VPS41: variants seen among roughly 807,000 people sequenced by gnomAD.
VPS41 encodes VPS41 subunit of HOPS complex, also known as vacuolar protein sorting-associated protein 41 homolog.
In VPS41, 85 loss-of-function variants were observed where a neutral mutation model predicts 130.9. That is an observed-to-expected ratio of 0.65 (90% confidence interval 0.55 to 0.78). The LOEUF (loss-of-function observed/expected upper bound fraction) is 0.78, where lower values mean the gene tolerates loss of function less well. VPS41 is among the 30% of genes least tolerant of loss of function. The pLI is 0.00. For missense variants in VPS41, 874 were observed against 1,018.7 expected (o/e 0.86, Z 1.93); for synonymous variants, 335 against 332.9 (o/e 1.01, Z -0.07).
intron 7 of VPS41, among the ~76,000 whole-genome samples, chr7:38,797,594 C>T (rs1039538757): frequency 3.3e-5 from 5 of 152,128 alleles, no homozygotes; most frequent in Non-Finnish European, 7.4e-5. Flanking sequence ...TAAGAAAAGA[C>T]ATTTATACAG....
chr7:38,771,347 G>A, intron 13 of VPS41, 93 bp from the exon 14 acceptor site: 1 of 846,840 alleles, frequency 1.2e-6, no homozygotes. Flanking sequence ...AGATATTGAG[G>A]TTATAAACAC....
chr7:38,862,455 C>T (rs886990033), intron 4 of VPS41, 90 bp downstream of exon 4: 5 of 745,910 alleles, frequency 6.7e-6, no homozygotes, highest in Non-Finnish European at 1.1e-5. Flanking sequence ...CCTCTTTATG[C>T]TATTAAAACA....
intron 1 of VPS41, among the ~76,000 whole-genome samples, 193 bp downstream of exon 1, chr7:38,908,961 A>C (rs1412035920): frequency 6.6e-6 from 1 of 152,156 alleles, no homozygotes; most frequent in Non-Finnish European, 1.5e-5. Flanking sequence ...CGCTTTCCCT[A>C]GGTGCCCTCC....
intron 5 of VPS41, among the ~76,000 whole-genome samples, chr7:38,825,784 A>G (rs1032659330): frequency 2.0e-5 from 3 of 152,200 alleles, no homozygotes; most frequent in African/African-American, 7.2e-5. Context: ...ATGTTTTGTT[A>G]CCCGAAATAG....
chr7:38,866,123 G>T (rs1167743240), intron 3 of VPS41, among the ~76,000 whole-genome samples: 1 of 151,960 alleles, frequency 6.6e-6, no homozygotes, highest in Admixed American at 6.6e-5. Flanking sequence ...GTGGTGTTGT[G>T]AATAGAAACA....
intron 1 of VPS41, among the ~76,000 whole-genome samples, chr7:38,902,059 CTT>C (rs1454000974): frequency 6.6e-6 from 1 of 152,120 alleles, no homozygotes; most frequent in Non-Finnish European, 1.5e-5. Context: ...TTCATTTTAC[CTT>C]TCTTTTGCAA....
In VPS41 at chr7:38,771,241, G is replaced by A; in HGVS notation, c.1142C>T (p.Ala381Val). The change falls in exon 14 of 29, where the codon GCA becomes GTA. Residue 381 changes from alanine (A) to valine (V), a missense_variant. Physicochemically the swap from Ala to Val is moderately conservative, Grantham distance 64 (BLOSUM62 0). Coordinates refer to ENST00000310301, the MANE Select transcript of VPS41 (RefSeq NM_014396.4). ...EKKKYEEALM[A>V]AEISQKNIKR... The stretch of plus-strand genomic sequence containing the variant: ...AATATTTTTTTGGCTAATTTCAGCT[G>A]CCATCAATGCTTCCTTTATTCCAAA... The A allele has an allele frequency of 6.3e-7, 1 of 1,596,638 alleles. No individual in the cohort carries two copies. Among genetic ancestry groups the A allele is most frequent in the Non-Finnish European group, 8.5e-7 (1 of 1,173,486 alleles).
At chr7:38,856,807 A>C (rs1375669793) in intron 4 of VPS41, among the ~76,000 whole-genome samples, 1 of 152,192 alleles carries the variant, frequency 6.6e-6, no homozygotes, top group Non-Finnish European at 1.5e-5. Flanking sequence ...GAAAGAATGG[A>C]GATTCACAGA....
intron 17 of VPS41, among the ~76,000 whole-genome samples, chr7:38,762,461 AGCTACAG>A (rs1415492432): frequency 6.6e-6 from 1 of 152,206 alleles, no homozygotes; most frequent in African/African-American, 2.4e-5. Context: ...TAATAGGCAA[AGCTACAG>A]GCATATGACT....
intron 1 of VPS41, among the ~76,000 whole-genome samples, chr7:38,905,705 A>G (rs141054514): frequency 6.6e-6 from 1 of 152,326 alleles, no homozygotes; most frequent in Non-Finnish European, 1.5e-5. Context: ...GGCATTTATG[A>G]TACATGATAC....
At chr7:38,786,168 A>G (rs1280528459) in intron 10 of VPS41, among the ~76,000 whole-genome samples, 1 of 152,078 alleles carries the variant, frequency 6.6e-6, no homozygotes, top group Non-Finnish European at 1.5e-5. Context: ...CACCATGATT[A>G]CAAGCAACAA....
chr7:38,896,002 T>C (rs1226418805), intron 2 of VPS41, among the ~76,000 whole-genome samples: 1 of 152,208 alleles, frequency 6.6e-6, no homozygotes, highest in Admixed American at 6.5e-5. Context: ...CAGAGCCGAC[T>C]CTGCTGGCTT....
At chr7:38,799,752 T>A (rs1784689861) in intron 7 of VPS41, among the ~76,000 whole-genome samples, 1 of 152,062 alleles carries the variant, frequency 6.6e-6, no homozygotes, top group Admixed American at 6.6e-5. Context: ...TTTTAAAAAA[T>A]TAAGTAATTT....
intron 2 of VPS41, among the ~76,000 whole-genome samples, chr7:38,895,344 TAAA>T (rs531694346): frequency 1.3e-5 from 2 of 151,642 alleles, no homozygotes; most frequent in Non-Finnish European, 1.5e-5. Context: ...AATAAAAAAA[TAAA>T]AAAAACAAAC....
intron 7 of VPS41, among the ~76,000 whole-genome samples, chr7:38,803,679 A>G (rs879936409): frequency 6.6e-6 from 1 of 152,194 alleles, no homozygotes; most frequent in Non-Finnish European, 1.5e-5. Context: ...CATGAGCAAA[A>G]TTTTAAAAGT....
chr7:38,906,870 G>A (rs1156692296), intron 1 of VPS41, among the ~76,000 whole-genome samples: 1 of 152,122 alleles, frequency 6.6e-6, no homozygotes, highest in Admixed American at 6.5e-5. Flanking sequence ...GGAGACAGAG[G>A]ACTGGAGATT....
At chr7:38,904,773 C>G (rs774897582) in intron 1 of VPS41, among the ~76,000 whole-genome samples, 2 of 152,106 alleles carry the variant, frequency 1.3e-5, no homozygotes, top group Non-Finnish European at 2.9e-5. Context: ...ATCTAATAAT[C>G]CATAAGTGAT....
At chr7:38,892,244 A>T (rs1391485095) in intron 2 of VPS41, among the ~76,000 whole-genome samples, 1 of 152,156 alleles carries the variant, frequency 6.6e-6, no homozygotes, top group Non-Finnish European at 1.5e-5. Context: ...AAGGAAGTTA[A>T]AGGCAGTATA....
chr7:38,815,178 C>T (rs924602195), intron 7 of VPS41, among the ~76,000 whole-genome samples: 9 of 152,304 alleles, frequency 5.9e-5, no homozygotes, highest in African/African-American at 2.2e-4. Flanking sequence ...AATACCAACG[C>T]TTTGGGAGGC....
Sources: gnomAD v4.1 joint callset for allele counts (sites outside exome capture counted in the v4.1 genomes callset) on GRCh38, gnomAD v4.1.1 for gene constraint, MANE v1.5 for transcripts, NCBI Gene and HGNC (gene_info 2026-07-23, HGNC 2026-07-21) for gene names.